The following COP1 variants were observed in gnomAD, a reference collection of about 807,000 sequenced individuals.
COP1 encodes the protein COP1 E3 ubiquitin ligase.
In COP1, 24 loss-of-function variants were observed where a neutral mutation model predicts 101.3. The ratio of observed to expected loss-of-function variants is 0.24; its 90% CI spans 0.17 to 0.33. The LOEUF (loss-of-function observed/expected upper bound fraction) is 0.33. Among genes scored for constraint, COP1 ranks in the 10% least tolerant of loss-of-function variants. The pLI is 1.00. For missense variants in COP1, 663 were observed against 906.2 expected, an observed-to-expected ratio of 0.73 and a Z score of 3.45; for synonymous variants, 347 against 341.9, an observed-to-expected ratio of 1.01 and a Z score of -0.17.
chr1:176,113,960 T>TA (rs1553269799), intron 9 of COP1, among the ~76,000 whole-genome samples: 10 of 151,020 alleles, frequency 6.6e-5, no homozygotes, highest in East Asian at 1.9e-4. Flanking sequence ...TTTTTTTTTT[T>TA]ATAGTTTGCA....
intron 18 of COP1, among the ~76,000 whole-genome samples, chr1:175,961,029 C>T (rs566361717): frequency 6.6e-6 from 1 of 152,302 alleles, no homozygotes; most frequent in East Asian, 1.9e-4. Context: ...TCTCCTGGAG[C>T]TGGGACACTC....
chr1:176,175,872 G>T, intron 3 of COP1, 38 bp downstream of exon 3: 1 of 1,227,642 alleles, frequency 8.1e-7, no homozygotes, highest in Non-Finnish European at 1.2e-6. Flanking sequence ...TTTGGGGATC[G>T]AAATATTTTT....
At chr1:176,112,261 C>G (rs1685421837) in intron 9 of COP1, among the ~76,000 whole-genome samples, 1 of 150,514 alleles carries the variant, frequency 6.6e-6, no homozygotes, top group Admixed American at 6.6e-5. Flanking sequence ...TCTTTTTCCT[C>G]CAGATTCAAG....
intron 11 of COP1, among the ~76,000 whole-genome samples, chr1:176,048,158 T>C (rs1365074618): frequency 6.6e-6 from 1 of 151,686 alleles, no homozygotes; most frequent in Non-Finnish European, 1.5e-5. Context: ...TTTAAATGCT[T>C]CCTTAATTTT....
At chr1:175,976,270 C>CTTTTTTTTTTTTTTTTTTTTTTT (rs10694480) in intron 18 of COP1, among the ~76,000 whole-genome samples, 1 of 56,834 alleles carries the variant, frequency 1.8e-5, no homozygotes, top group African/African-American at 7.4e-5. Flanking sequence ...ATTAGTCATT[C>CTTTTTTTTTTTTTTTTTTTTTTT]TTTTTTTTTT....
intron 9 of COP1, among the ~76,000 whole-genome samples, chr1:176,107,110 T>C (rs895516721): frequency 6.6e-6 from 1 of 152,186 alleles, no homozygotes; most frequent in Non-Finnish European, 1.5e-5. Context: ...TCCAGAAATA[T>C]AAATGGTTTG....
intron 5 of COP1, among the ~76,000 whole-genome samples, chr1:176,149,500 C>A (rs943935349): frequency 5.3e-5 from 8 of 152,052 alleles, no homozygotes; most frequent in African/African-American, 1.9e-4. Context: ...TAGAGATAAA[C>A]CTATACCTTT....
At chr1:176,008,945 A>G (rs1664091938) in intron 15 of COP1, among the ~76,000 whole-genome samples, 1 of 152,162 alleles carries the variant, frequency 6.6e-6, no homozygotes, top group Non-Finnish European at 1.5e-5. Context: ...ATTTGTGTGT[A>G]TGTTGTGGAA....
intron 9 of COP1, among the ~76,000 whole-genome samples, chr1:176,110,551 G>T (rs566618578): frequency 6.6e-6 from 1 of 152,196 alleles, no homozygotes; most frequent in Non-Finnish European, 1.5e-5. Context: ...TTACCAACTA[G>T]ATTGGAAACT....
At chr1:176,061,964 G>C (rs1050486736) in intron 11 of COP1, among the ~76,000 whole-genome samples, 1 of 152,048 alleles carries the variant, frequency 6.6e-6, no homozygotes, top group Non-Finnish European at 1.5e-5. Flanking sequence ...AATATAAAAG[G>C]AATTCTCATC....
At chr1:176,032,645 G>A (rs1668826272) in intron 14 of COP1, among the ~76,000 whole-genome samples, 1 of 152,086 alleles carries the variant, frequency 6.6e-6, no homozygotes, top group African/African-American at 2.4e-5. Flanking sequence ...TCCCCACCAT[G>A]TGGGCTTGTG....
At chr1:176,007,630 G>T (rs7551435) in intron 15 of COP1, among the ~76,000 whole-genome samples, 290 of 151,840 alleles carry the variant, frequency 1.9e-3, no homozygotes, top group African/African-American at 6.7e-3. Flanking sequence ...GCCCCTGCTG[G>T]GGGGTGTCTC....
At chr1:176,160,806 C>A (rs1000667994) in intron 5 of COP1, among the ~76,000 whole-genome samples, 3 of 152,178 alleles carry the variant, frequency 2.0e-5, no homozygotes, top group Admixed American at 1.3e-4. Context: ...GAAACAGGAA[C>A]ACCCACATAC....
chr1:175,962,691 C>T (rs1651520957), intron 18 of COP1, among the ~76,000 whole-genome samples: 1 of 152,112 alleles, frequency 6.6e-6, no homozygotes, highest in Non-Finnish European at 1.5e-5. Flanking sequence ...GCCAGAGAAC[C>T]TAAGAGGGTA....
In COP1 at chr1:176,128,823, C is replaced by A. The variant is rs146906610; in HGVS notation, c.968+6187G>T. On this transcript the variant is annotated intron_variant, in intron 8 of 19. Transcript: ENST00000367669. The stretch of plus-strand genomic sequence containing the variant: ...AATAAAGTTGTTGAACCAATAATAA[C>A]TGCCAAAAAGTACTAAGAACTTAAG... Among the ~76,000 whole-genome samples the A allele has an allele frequency of 2.6e-3, 400 of 151,872 alleles. 3 individuals carry two copies. Among genetic ancestry groups the A allele is most frequent in the African/African-American group, 9.2e-3 (382 of 41,474 alleles).
chr1:176,072,354 T>C (rs1034334774), intron 11 of COP1, among the ~76,000 whole-genome samples: 5 of 152,176 alleles, frequency 3.3e-5, no homozygotes, highest in African/African-American at 9.7e-5. Flanking sequence ...TTTACAGACA[T>C]AGGAATATGC....
intron 10 of COP1, among the ~76,000 whole-genome samples, chr1:176,083,537 T>A (rs527818146): frequency 1.3e-5 from 2 of 152,336 alleles, no homozygotes; most frequent in East Asian, 3.9e-4. Context: ...TATCTGCTGG[T>A]ATATCACCTC....
chr1:176,070,720 T>C (rs764732564), intron 11 of COP1, among the ~76,000 whole-genome samples: 8 of 152,148 alleles, frequency 5.3e-5, no homozygotes, highest in African/African-American at 1.4e-4. Flanking sequence ...AGTGCCATCA[T>C]AGCTCACTGT....
intron 9 of COP1, among the ~76,000 whole-genome samples, chr1:176,107,734 A>G (rs1006415711): frequency 1.1e-4 from 17 of 152,270 alleles, no homozygotes; most frequent in Non-Finnish European, 1.2e-4. Context: ...CACCATTTTA[A>G]TCGAGTGATC....
Sources: gnomAD v4.1 joint callset for allele counts (sites outside exome capture counted in the v4.1 genomes callset) on GRCh38, gnomAD v4.1.1 for gene constraint, MANE v1.5 for transcripts, NCBI Gene and HGNC (gene_info 2026-07-23, HGNC 2026-07-21) for gene names.